ERN1: variants seen among roughly 807,000 people sequenced by gnomAD.
ERN1 encodes the protein endoplasmic reticulum to nucleus signaling 1, also known as serine/threonine-protein kinase/endoribonuclease IRE1.
In ERN1, 39 loss-of-function variants were observed where a neutral mutation model predicts 113.1. The observed-to-expected ratio is 0.34, with a 90% CI of 0.27 to 0.45. ERN1 has a LOEUF of 0.45. Ranked by LOEUF, ERN1 falls within the 20% of genes least tolerant of loss-of-function variation. The pLI is 1.00. For synonymous variants in ERN1, 507 were observed against 515.9 expected (o/e 0.98, Z 0.23); for missense variants, 976 against 1,274.8 (o/e 0.77, Z 3.57).
chr17:64,090,893 T>C (rs1234721399), intron 2 of ERN1, among the ~76,000 whole-genome samples: 1 of 152,198 alleles, frequency 6.6e-6, no homozygotes, highest in African/African-American at 2.4e-5. Flanking sequence ...TTTTAAACCG[T>C]CTATGTTTAA....
intron 1 of ERN1, among the ~76,000 whole-genome samples, chr17:64,103,689 T>C (rs1914447185): frequency 6.6e-6 from 1 of 152,214 alleles, no homozygotes; most frequent in Admixed American, 6.5e-5. Flanking sequence ...TTGTTAGGGC[T>C]CTTCCATTAA....
rs777806993 is a variant in ERN1, at chr17:64,119,376, G to GTTGTTTT, written c.54+10599_54+10600insAAAACAA. 9.6e-4 allele frequency among the ~76,000 whole-genome samples: 75 copies of GTTGTTTT among 77,902 alleles called. 4 individuals carry two copies. Among genetic ancestry groups the GTTGTTTT allele is most frequent in the African/African-American group, 1.4e-3 (25 of 17,952 alleles). 51.1% of individuals were successfully genotyped at this position (77,902 alleles called of 152,430 possible). On this transcript the variant is annotated intron_variant, in intron 1 of 21. Coordinates refer to ENST00000433197, the MANE Select transcript of ERN1 (RefSeq NM_001433.5). ...TAATATTAGGTTCCTTTTTTTCTAG[G>GTTGTTTT]TTTTTTTTTTTTTTTTTTTTTTTTT...
At position 64,126,686 on chromosome 17, in the gene ERN1, T is replaced by C. The variant is rs562082221; in HGVS notation, c.54+3290A>G. On this transcript the variant is annotated intron_variant, in intron 1 of 21. Transcript: ENST00000433197. Reference sequence around the variant, plus strand: ...TCAGCAGCCCTGATAACAAACTCAATGAACATTCTACTTATGGCCTCAGTA... The same window carrying C: ...TCAGCAGCCCTGATAACAAACTCAACGAACATTCTACTTATGGCCTCAGTA... Among the ~76,000 whole-genome samples, 6 of 124,590 alleles carry C rather than the reference T, an allele frequency of 4.8e-5. No homozygotes were observed. The East Asian group carries it at 1.2e-3, about 24-fold the overall frequency. 81.7% of individuals were successfully genotyped at this position (124,590 alleles called of 152,430 possible).
chr17:64,060,312 T>C (rs965022750), intron 11 of ERN1, among the ~76,000 whole-genome samples, 157 bp downstream of exon 11: 2 of 152,184 alleles, frequency 1.3e-5, no homozygotes, highest in African/African-American at 2.4e-5. Context: ...TCCTCTCCAC[T>C]AGCCCTTAAC....
chr17:64,056,045 G>A (rs1382965971), intron 12 of ERN1, 97 bp from the exon 13 acceptor site: 12 of 1,445,238 alleles, frequency 8.3e-6, no homozygotes, highest in Non-Finnish European at 1.1e-5. Context: ...GGGAGCATGT[G>A]TACTTTATGT....
At chr17:64,068,133 T>C (rs1913292531) in intron 7 of ERN1, 57 bp downstream of exon 7, 1 of 1,234,058 alleles carries the variant, frequency 8.1e-7, no homozygotes, top group Non-Finnish European at 1.2e-6. Flanking sequence ...AGCCACTGTT[T>C]CCACATAGGT....
At chr17:64,101,881 TACTAGTGGAAGC>T (rs1186221643) in intron 1 of ERN1, among the ~76,000 whole-genome samples, 2 of 152,220 alleles carry the variant, frequency 1.3e-5, no homozygotes, top group African/African-American at 4.8e-5. Context: ...GCTCCTTTGC[TACTAGTGGAAGC>T]ACTAGTGGAA....
Position 64,054,274 on chromosome 17 carries a change from C to T in ERN1, c.1929G>A (p.Glu643=). ...CCTCTTGCAGGGTGGCTGCACACAG[C>T]TCGATGGCAATGTACTGGAATTGCC... ...KDRQFQYIAI[E]LCAATLQEYV... is the part of the protein sequence containing the mutation. Residue 643 remains glutamate, a synonymous_variant, in exon 15 of 22, where the codon GAG becomes GAA. Transcript: ENST00000433197. The surrounding 1 kb of genome is among the most constrained non-coding windows in gnomAD (Gnocchi z 4.9). 1 of 1,613,568 alleles carries T rather than the reference C, an allele frequency of 6.2e-7. No homozygotes were observed. The highest frequency in any genetic ancestry group is 8.5e-7 in the Non-Finnish European group (1 of 1,179,638).
chr17:64,111,355 A>G (rs1170155917), intron 1 of ERN1, among the ~76,000 whole-genome samples: 3 of 147,684 alleles, frequency 2.0e-5, no homozygotes, highest in African/African-American at 5.1e-5. Flanking sequence ...AGGTCATCCA[A>G]TGTTTTTTTT....
intron 17 of ERN1, among the ~76,000 whole-genome samples, chr17:64,050,979 G>C (rs1912665170): frequency 6.6e-6 from 1 of 152,152 alleles, no homozygotes; most frequent in South Asian, 2.1e-4. Flanking sequence ...ACTTGTGCTA[G>C]AATAAGGTGC....
chr17:64,116,096 G>A (rs952986800), intron 1 of ERN1, among the ~76,000 whole-genome samples: 2 of 152,114 alleles, frequency 1.3e-5, no homozygotes, highest in African/African-American at 4.8e-5. Context: ...TCACTTTAAG[G>A]TTCAGGATGG....
chr17:64,055,513 T>C lies in ERN1; in HGVS notation c.1672+162A>G, dbSNP rs1454936972. Among the ~76,000 whole-genome samples the C allele has an allele frequency of 2.0e-5, 3 of 152,096 alleles. No homozygotes were observed. The East Asian group carries it at 5.8e-4, about 29-fold the overall frequency. The stretch of plus-strand genomic sequence containing the variant: ...CCTCTGAAGGGGAGATGCCAAGGGA[T>C]GGGGCAGAAGCCTTCCCACAGAGAC... On this transcript the variant is annotated intron_variant, in intron 13 of 21. Transcript: ENST00000433197.
In ERN1 at chr17:64,071,968, GTTCATT is replaced by G. The variant is rs2143389561; in HGVS notation, c.478+7_478+12del. On this transcript the variant is annotated splice_region_variant and intron_variant, in intron 6 of 21. Coordinates refer to ENST00000433197, the MANE Select transcript of ERN1 (RefSeq NM_001433.5). ...AACAGGCAGGTTGTAGAAGACAAAG[GTTCATT>G]TCTTACCTGTTCGCCCAAGATACAG... is the stretch of plus-strand genomic sequence containing the variant. 2 of 1,554,852 alleles carry G rather than the reference GTTCATT, an allele frequency of 1.3e-6. No individual in the cohort carries two copies. The highest frequency in any genetic ancestry group is 3.9e-5 in the Admixed American group (2 of 51,178).
Position 64,052,999 on chromosome 17 carries a change from T to G in ERN1, c.2054-20A>C. On this transcript the variant is annotated intron_variant, in intron 16 of 21. Transcript: ENST00000433197. ...TGTGAACTAACAGAGAACTCCAGAT[T>G]AGTCCAATGCTTACCAGGAGCAACC... is the stretch of plus-strand genomic sequence containing the variant. The G allele has an allele frequency of 6.3e-7, 1 of 1,580,458 alleles. No individual in the cohort carries two copies. Among genetic ancestry groups the G allele is most frequent in the Non-Finnish European group, 8.6e-7 (1 of 1,162,246 alleles).
At chr17:64,081,153 A>G (rs1913755426) in intron 2 of ERN1, among the ~76,000 whole-genome samples, 1 of 152,208 alleles carries the variant, frequency 6.6e-6, no homozygotes. Context: ...GGGTCAGAGC[A>G]TCACTATCTG....
In ERN1 at chr17:64,129,284, C is replaced by G. The variant is rs1915165532; in HGVS notation, c.54+692G>C. Reference sequence around the variant, plus strand: ...AGGAGACAGTCTTTCATTTGAGGTTCTGAAGCGGCCTCACCTCGAACCCAT... The same window carrying G: ...AGGAGACAGTCTTTCATTTGAGGTTGTGAAGCGGCCTCACCTCGAACCCAT... On this transcript the variant is annotated intron_variant, in intron 1 of 21. Coordinates refer to ENST00000433197, the MANE Select transcript of ERN1 (RefSeq NM_001433.5). 2.0e-5 allele frequency: 3 copies of G among 152,230 alleles called. No homozygotes were observed. The South Asian group carries it at 6.2e-4, about 32-fold the overall frequency. The allele number at this position is 152,230 out of a possible 1,614,324, so 9.4% of individuals were successfully genotyped here.
At chr17:64,067,554 G>A (rs1913272432) in intron 7 of ERN1, among the ~76,000 whole-genome samples, 1 of 151,392 alleles carries the variant, frequency 6.6e-6, no homozygotes, top group African/African-American at 2.4e-5. Context: ...GCTGCAGTGA[G>A]CCCTGACTGC....
intron 11 of ERN1, among the ~76,000 whole-genome samples, chr17:64,058,859 T>C (rs948563166): frequency 6.6e-6 from 1 of 152,122 alleles, no homozygotes; most frequent in South Asian, 2.1e-4. Flanking sequence ...ACCCCTCTTA[T>C]TCATGCCTCT....
chr17:64,098,562 GC>G (rs1914296219), intron 1 of ERN1: 1 of 571,970 alleles, frequency 1.7e-6, no homozygotes, highest in Non-Finnish European at 3.4e-6. Context: ...CTTCTCTTGG[GC>G]CTATTCTATT....
Sources: allele counts gnomAD v4.1 joint callset (sites outside exome capture counted in the v4.1 genomes callset), GRCh38; gene constraint gnomAD v4.1.1; non-coding constraint Gnocchi (gnomAD v3.1); transcripts MANE v1.5; gene names NCBI Gene and HGNC (gene_info 2026-07-23, HGNC 2026-07-21).